Variants in AMZ1 observed in about 807,000 individuals in gnomAD.
AMZ1 encodes the protein archaemetzincin-1.
AMZ1 carries 39 observed loss-of-function variants against 29.9 expected under a neutral mutation model. That is an observed-to-expected ratio of 1.30 (90% confidence interval 1.01 to 1.70). The LOEUF is 1.70. Among genes scored for constraint, AMZ1 ranks in the 40% most tolerant of loss-of-function variants. The probability of loss-of-function intolerance (pLI) is 0.00; values close to 1 mark genes in which losing one functional copy is unlikely to be tolerated. For synonymous variants in AMZ1, 458 were observed against 304.0 expected (o/e 1.51, Z -5.27); for missense variants, 1,041 against 680.6 (o/e 1.53, Z -5.89).
At chr7:2,741,981 T>C (rs1423639407) in intron 4 of AMZ1, among the ~76,000 whole-genome samples, 1 of 152,022 alleles carries the variant, frequency 6.6e-6, no homozygotes, top group Non-Finnish European at 1.5e-5. Context: ...GTAGTTATCA[T>C]GCCTCTTTAG....
intron 6 of AMZ1, 103 bp from the exon 7 acceptor site, chr7:2,712,227 C>A: frequency 7.9e-7 from 1 of 1,272,430 alleles, no homozygotes; most frequent in Non-Finnish European, 1.1e-6. Flanking sequence ...CCCTGGGTAA[C>A]TGAGGACGGT....
At chr7:2,698,790 T>C (rs1419628708) in intron 1 of AMZ1, among the ~76,000 whole-genome samples, 1 of 152,092 alleles carries the variant, frequency 6.6e-6, no homozygotes, top group South Asian at 2.1e-4. Flanking sequence ...GAGCTATGAT[T>C]GCACCACTGC....
At position 2,709,208 on chromosome 7, in the gene AMZ1, G is replaced by A. The variant is rs757337038; in HGVS notation, c.735G>A (p.Leu245=). The change falls in exon 5 of 7, where the codon CTG becomes CTA. Residue 245 remains leucine (L), a synonymous_variant. Transcript: ENST00000683327. ...EAPLQDRGWA[L]CFSALGMVQC... ...CCCTGCAGGACAGGGGCTGGGCCCT[G>A]TGCTTCAGTGCCCTGGGGATGGTTC... 8 of 1,512,828 alleles carry A rather than the reference G, an allele frequency of 5.3e-6. No individual in the cohort carries two copies. The highest frequency in any genetic ancestry group is 2.7e-5 in the South Asian group (2 of 75,376). The allele number at this position is 1,512,828 out of a possible 1,614,324, so 93.7% of individuals were successfully genotyped here.
At chr7:2,763,125 T>C, upstream of AMZ1, 7 of 1,239,054 alleles carry the variant, frequency 5.6e-6, no homozygotes, top group Non-Finnish European at 7.0e-6. Context: ...TCTTCCTCTC[T>C]CTTCTCAGAA....
intron 4 of AMZ1, among the ~76,000 whole-genome samples, chr7:2,725,912 C>T (rs1789597619): frequency 6.9e-6 from 1 of 144,748 alleles, no homozygotes; most frequent in Non-Finnish European, 1.5e-5. Context: ...AGGCGTCCAG[C>T]CCGCCCGCTG....
chr7:2,762,396 G>C (rs569654619), upstream of AMZ1: 363 of 455,190 alleles, frequency 8.0e-4, no homozygotes, highest in Non-Finnish European at 1.2e-3. Flanking sequence ...TTTCCTCACT[G>C]AGGAAACCAA....
In AMZ1 at chr7:2,731,195, T is replaced by C. The variant is rs1197066546; in HGVS notation, n.550+21379T>C. 1.2e-6 allele frequency: 2 copies of C among 1,609,730 alleles called. No homozygotes were observed. The highest frequency in any genetic ancestry group is 2.7e-5 in the African/African-American group (2 of 74,714). Reference sequence around the variant, plus strand: ...GGCTTCCTCGCTCACTGCAGCATGATGTCCTTCAGGTTCTCCTGCAGGATG... The same window carrying C: ...GGCTTCCTCGCTCACTGCAGCATGACGTCCTTCAGGTTCTCCTGCAGGATG... On this transcript the variant is annotated intron_variant and non_coding_transcript_variant, in intron 4 of 4. Transcript: ENST00000489665. This position sits in a 1 kb window ranked among gnomAD's most constrained non-coding sequence, Gnocchi z 6.0.
intron 2 of AMZ1, 179 bp from the exon 3 acceptor site, chr7:2,702,543 C>A (rs1788109880): frequency 1.5e-6 from 1 of 662,498 alleles, no homozygotes; most frequent in Non-Finnish European, 2.5e-6. Flanking sequence ...TCGGTGTTTG[C>A]CCTTTTGAAA....
chr7:2,686,710 T>TTCTC (rs544683237), upstream of AMZ1, among the ~76,000 whole-genome samples: 1 of 151,848 alleles, frequency 6.6e-6, no homozygotes, highest in Non-Finnish European at 1.5e-5. Flanking sequence ...TGTGTTGTTT[T>TTCTC]TCTCTCTCTC....
intron 4 of AMZ1, among the ~76,000 whole-genome samples, chr7:2,747,519 C>T (rs928384356): frequency 6.6e-6 from 1 of 152,132 alleles, no homozygotes; most frequent in Non-Finnish European, 1.5e-5. Flanking sequence ...TGGGACGTAT[C>T]TCAAAATAAT....
upstream of AMZ1, among the ~76,000 whole-genome samples, chr7:2,761,698 G>A (rs1051211942): frequency 7.2e-5 from 11 of 152,088 alleles, no homozygotes; most frequent in Non-Finnish European, 1.2e-4. Context: ...TCCTTTGACC[G>A]AATCCTTGAA....
intron 4 of AMZ1, among the ~76,000 whole-genome samples, chr7:2,738,134 G>A (rs141208739): frequency 1.3e-5 from 2 of 152,092 alleles, no homozygotes; most frequent in Non-Finnish European, 2.9e-5. Flanking sequence ...CAAATATTAG[G>A]TAAGAGGACC....
Position 2,705,095 on chromosome 7 carries a change from C to T in AMZ1, c.472+2206C>T, listed in dbSNP as rs150371129. On this transcript the variant is annotated intron_variant, in intron 3 of 6. Transcript: ENST00000683327. ...CCTTGTTATTTTTGATTGTTAGTTACGCATCTTATTGGAAAAATTAGTTTA... is the reference window on the plus strand; with the variant it reads ...CCTTGTTATTTTTGATTGTTAGTTATGCATCTTATTGGAAAAATTAGTTTA... Among the ~76,000 whole-genome samples the T allele has an allele frequency of 4.4e-4, 67 of 152,320 alleles. 2 individuals carry two copies. The South Asian group carries it at 0.012, about 27-fold the overall frequency.
At position 2,712,776 on chromosome 7, in the gene AMZ1, G is replaced by A. The variant is rs1788880952; in HGVS notation, c.1395G>A (p.Lys465=). The A allele has an allele frequency of 7.0e-6, 11 of 1,576,926 alleles. No individual in the cohort carries two copies. The highest frequency in any genetic ancestry group is 9.5e-6 in the Non-Finnish European group (11 of 1,158,694). Residue 465 remains lysine, a synonymous_variant, in exon 7 of 7, where the codon AAG becomes AAA. Coordinates refer to ENST00000683327, the MANE Select transcript of AMZ1 (RefSeq NM_001384743.1). ...GCAGGGACAGCGTGGGGCTGCGCAAGGTGCTGGGGGACAAGTTCTCCTCCC... is the reference window on the plus strand; with the variant it reads ...GCAGGGACAGCGTGGGGCTGCGCAAAGTGCTGGGGGACAAGTTCTCCTCCC... The part of the protein sequence containing the change: ...PSSRDSVGLR[K]VLGDKFSSLR...
chr7:2,725,245 G>A (rs981752011), intron 4 of AMZ1, among the ~76,000 whole-genome samples: 2 of 152,176 alleles, frequency 1.3e-5, no homozygotes, highest in African/African-American at 4.8e-5. Flanking sequence ...CCGGGTTCAG[G>A]GGCTGGAGCC....
upstream of AMZ1, among the ~76,000 whole-genome samples, chr7:2,764,252 T>TC (rs1428773775): frequency 6.6e-6 from 1 of 151,802 alleles, no homozygotes; most frequent in East Asian, 1.9e-4. Context: ...TTCTTTTTTT[T>TC]TTTTTTTTTT....
At chr7:2,765,001 T>C (rs62441394) in intron 1 of AMZ1, 7,245 of 152,286 alleles carry the variant, frequency 0.048, 298 homozygotes, top group South Asian at 0.12. Flanking sequence ...TGTATTATAA[T>C]GAAAATGAAA....
intron 6 of AMZ1, among the ~76,000 whole-genome samples, chr7:2,711,651 T>G (rs2159495): frequency 0.87 from 131,960 of 152,194 alleles, 57,373 homozygotes; most frequent in African/African-American, 0.91. Context: ...GAACTCCTGG[T>G]TTCAAGTGAT....
chr7:2,715,848 T>TG lies in AMZ1; in HGVS notation c.*2971dup, dbSNP rs1467187549. 1.3e-5 allele frequency: 2 copies of TG among 152,210 alleles called. No individual in the cohort carries two copies. Among genetic ancestry groups the TG allele is most frequent in the Non-Finnish European group, 2.9e-5 (2 of 68,048 alleles). The allele number at this position is 152,210 out of a possible 1,614,324, so 9.4% of individuals were successfully genotyped here. The stretch of plus-strand genomic sequence containing the variant: ...GCTCACGAATCTTTCTAAACTTAAG[T>TG]GCTGCAGAAGTTGAACTGAGATTAA... On this transcript the variant is annotated 3_prime_UTR_variant, in exon 7 of 7. Coordinates refer to ENST00000683327, the MANE Select transcript of AMZ1 (RefSeq NM_001384743.1).
Sources: gnomAD v4.1 joint callset for allele counts (sites outside exome capture counted in the v4.1 genomes callset) on GRCh38, gnomAD v4.1.1 for gene constraint, Gnocchi (gnomAD v3.1) non-coding constraint, MANE v1.5 for transcripts, NCBI Gene and HGNC (gene_info 2026-07-23, HGNC 2026-07-21) for gene names.